The following IGSF9B variants were observed in gnomAD, a reference collection of about 807,000 sequenced individuals.
IGSF9B encodes immunoglobulin superfamily member 9B.
In IGSF9B, 48 loss-of-function variants were observed where a neutral mutation model predicts 143.7. The observed-to-expected ratio is 0.33, with a 90% CI of 0.26 to 0.42. The LOEUF (loss-of-function observed/expected upper bound fraction) is 0.42. Ranked by LOEUF, IGSF9B falls within the 20% of genes least tolerant of loss-of-function variation. IGSF9B has a pLI of 1.00. For missense variants in IGSF9B, 1,706 were observed against 1,980.0 expected, an observed-to-expected ratio of 0.86 and a Z score of 2.63; for synonymous variants, 903 against 833.1, an observed-to-expected ratio of 1.08 and a Z score of -1.44.
At position 133,905,206 on chromosome 11, in the gene IGSF9B, T is replaced by C. The variant is rs1268165688; in HGVS notation, c.*3863A>G. Among the ~76,000 whole-genome samples, 1 of 152,048 alleles carries C rather than the reference T, an allele frequency of 6.6e-6. No individual in the cohort carries two copies. Among genetic ancestry groups the C allele is most frequent in the Non-Finnish European group, 1.5e-5 (1 of 68,020 alleles). Reference sequence around the variant, plus strand: ...TCTTTTCCTAGGTTTCTCTACAGATTAATAAAATGTACTTTATGTACAATT... The same window carrying C: ...TCTTTTCCTAGGTTTCTCTACAGATCAATAAAATGTACTTTATGTACAATT... On this transcript the variant is annotated 3_prime_UTR_variant, in exon 20 of 20. Coordinates refer to ENST00000533871, the MANE Select transcript of IGSF9B (RefSeq NM_001277285.4). The surrounding 1 kb of genome is among the most constrained non-coding windows in gnomAD (Gnocchi z 4.0).
intron 1 of IGSF9B, among the ~76,000 whole-genome samples, chr11:133,951,504 T>C (rs927700827): frequency 1.3e-5 from 2 of 152,242 alleles, no homozygotes; most frequent in African/African-American, 4.8e-5. Context: ...CTGAGCCTTC[T>C]CGGCTGGGCT....
At chr11:133,951,095 A>G (rs1243437362) in intron 1 of IGSF9B, among the ~76,000 whole-genome samples, 2 of 152,112 alleles carry the variant, frequency 1.3e-5, no homozygotes, top group African/African-American at 4.8e-5. Flanking sequence ...GGGCTCTCAC[A>G]AAGTGGGAGG....
rs1487063601 is a variant in IGSF9B at position 133,932,201 on chromosome 11, A to G, written c.980T>C (p.Val327Ala). 1 of 1,566,402 alleles carries G rather than the reference A, an allele frequency of 6.4e-7. No individual in the cohort carries two copies. Among genetic ancestry groups the G allele is most frequent in the African/African-American group, 1.4e-5 (1 of 73,740 alleles). Residue 327 changes from valine to alanine, a missense_variant, in exon 8 of 20, where the codon GTC (valine) becomes GCC (alanine). This residue lies in a region of IGSF9B where 238 missense variants were observed against 452.6 expected (regional missense o/e 0.53). Transcript: ENST00000533871. ...AYLTVQYPAR[V>A]LNMPPVIYVP... ...GTAAATCACAGGGGGCATGTTGAGGACACGCGCTGGGTCTGCATAGAGGAA... is the reference window on the plus strand; with the variant it reads ...GTAAATCACAGGGGGCATGTTGAGGGCACGCGCTGGGTCTGCATAGAGGAA...
Position 133,953,774 on chromosome 11 carries a change from A to G in IGSF9B, c.64+2917T>C, listed in dbSNP as rs539264908. Among the ~76,000 whole-genome samples, 2 of 152,224 alleles carry G rather than the reference A, an allele frequency of 1.3e-5. No homozygotes were observed. Among genetic ancestry groups the G allele is most frequent in the African/African-American group, 4.8e-5 (2 of 41,554 alleles). ...AGCACGGCCCAGGGTCCTCCCACAG[A>G]GTAGGAACTCCCCCGGGCTGGCTCA... On this transcript the variant is annotated intron_variant, in intron 1 of 19. Transcript: ENST00000533871. This position sits in a 1 kb window ranked among gnomAD's most constrained non-coding sequence, Gnocchi z 4.2.
Position 133,904,324 on chromosome 11 carries a change from G to C in IGSF9B, c.*4745C>G, listed in dbSNP as rs1214061459. 6.6e-6 allele frequency among the ~76,000 whole-genome samples: 1 copy of C among 152,150 alleles called. No homozygotes were observed. Among genetic ancestry groups the C allele is most frequent in the Non-Finnish European group, 1.5e-5 (1 of 68,032 alleles). On this transcript the variant is annotated 3_prime_UTR_variant, in exon 20 of 20. Coordinates refer to ENST00000533871, the MANE Select transcript of IGSF9B (RefSeq NM_001277285.4). Reference sequence around the variant, plus strand: ...CTGATGAAGAGCTGGTGATAGGATGGGCATCTCAAGACAAGTTTCTCAGCT... The same window carrying C: ...CTGATGAAGAGCTGGTGATAGGATGCGCATCTCAAGACAAGTTTCTCAGCT...
At chr11:133,951,087 G>A (rs1046081978) in intron 1 of IGSF9B, among the ~76,000 whole-genome samples, 1 of 152,168 alleles carries the variant, frequency 6.6e-6, no homozygotes, top group African/African-American at 2.4e-5. Flanking sequence ...CAGACCCGGG[G>A]CTCTCACAAA....
chr11:133,903,891 C>G lies in IGSF9B; in HGVS notation c.*5178G>C, dbSNP rs1939176452. Among the ~76,000 whole-genome samples, 1 of 152,166 alleles carries G rather than the reference C, an allele frequency of 6.6e-6. No homozygotes were observed. The highest frequency in any genetic ancestry group is 2.1e-4 in the South Asian group (1 of 4,816). ...TAAGAGTGCGAAAGTCCAATCTGGG[C>G]TTTGATCCTTGGTTTACTGACTTCT... On this transcript the variant is annotated 3_prime_UTR_variant, in exon 20 of 20. Coordinates refer to ENST00000533871, the MANE Select transcript of IGSF9B (RefSeq NM_001277285.4).
Position 133,898,329 on chromosome 11 carries a change from G to A in IGSF9B, c.*10740C>T, listed in dbSNP as rs940371260. Reference sequence around the variant, plus strand: ...AGGTACAGAGTTTGTAAGGGGTCTGGGGGAGGTAGCCCCTCCCCACCCACA... The same window carrying A: ...AGGTACAGAGTTTGTAAGGGGTCTGAGGGAGGTAGCCCCTCCCCACCCACA... On this transcript the variant is annotated 3_prime_UTR_variant, in exon 20 of 20. Transcript: ENST00000533871. The A allele has an allele frequency of 6.6e-6, 1 of 152,278 alleles. No homozygotes were observed. Among genetic ancestry groups the A allele is most frequent in the African/African-American group, 2.4e-5 (1 of 41,410 alleles). The allele number at this position is 152,278 out of a possible 1,614,324, so 9.4% of individuals were successfully genotyped here. A position where few individuals can be genotyped will look rare whatever the true frequency, so the allele number is the denominator to read the frequency against.
chr11:133,932,460 C>T (rs1046134850), intron 7 of IGSF9B, among the ~76,000 whole-genome samples: 5 of 126,170 alleles, frequency 4.0e-5, no homozygotes, highest in Non-Finnish European at 8.0e-5. Flanking sequence ...GACACAGGGA[C>T]AGACAGACAG....
intron 3 of IGSF9B, among the ~76,000 whole-genome samples, chr11:133,942,654 C>A (rs1939972806): frequency 6.6e-6 from 1 of 152,184 alleles, no homozygotes; most frequent in Non-Finnish European, 1.5e-5. Flanking sequence ...AGAAGGGAAG[C>A]AATGCGGGGA....
intron 1 of IGSF9B, 148 bp from the exon 2 acceptor site, chr11:133,946,406 AC>A (rs1487439378): frequency 1.5e-6 from 1 of 649,556 alleles, no homozygotes; most frequent in Non-Finnish European, 2.7e-6. Context: ...TCCCAGGCAC[AC>A]CCTCCATCCC....
intron 12 of IGSF9B, among the ~76,000 whole-genome samples, chr11:133,929,162 ACC>A (rs1939679193): frequency 1.3e-5 from 2 of 152,182 alleles, no homozygotes; most frequent in African/African-American, 4.8e-5. Context: ...AGGGGTGGAT[ACC>A]CCTTTACCCT....
At position 133,919,756 on chromosome 11, in the gene IGSF9B, CGT is replaced by C. The variant is rs958490709; in HGVS notation, c.3967_3968del (p.Thr1323ValfsTer18). Reference sequence around the variant, plus strand: ...GGCGCACTCACCCTGAAGTAGGTAACGTGGGTGGTGGGGTCTCCGGTCGGAGC... The same window carrying C: ...GGCGCACTCACCCTGAAGTAGGTAACGGGTGGTGGGGTCTCCGGTCGGAGC... ...ELLRPETPPP[T>X]LPTSGTLPPA... On this transcript the variant is annotated frameshift_variant, in exon 18 of 20. Transcript: ENST00000533871. LOFTEE classifies it high-confidence loss of function. 2 of 1,465,384 alleles carry C rather than the reference CGT, an allele frequency of 1.4e-6. No homozygotes were observed. The highest frequency in any genetic ancestry group is 9.0e-7 in the Non-Finnish European group (1 of 1,105,532). 90.8% of individuals were successfully genotyped at this position (1,465,384 alleles called of 1,614,324 possible).
In IGSF9B at chr11:133,930,994, G is replaced by T. The variant is rs373568110; in HGVS notation, c.1509C>A (p.Leu503=). The change falls in exon 11 of 20, where the codon CTC becomes CTA. Residue 503 remains leucine (L), a synonymous_variant. Transcript: ENST00000533871. ...TTGCCGGCCACGTACCGATGACGGT[G>T]AGGTGGGTGCTGGCAGTGATGCTCG... is the stretch of plus-strand genomic sequence containing the variant. ...VVTSITASTH[L]TVIGTSPHAP... is the part of the protein sequence containing the mutation. 1.2e-6 allele frequency: 2 copies of T among 1,611,694 alleles called. No homozygotes were observed. Among genetic ancestry groups the T allele is most frequent in the Non-Finnish European group, 1.7e-6 (2 of 1,178,762 alleles).
At chr11:133,954,425 C>G (rs1291781599) in intron 1 of IGSF9B, among the ~76,000 whole-genome samples, 1 of 152,190 alleles carries the variant, frequency 6.6e-6, no homozygotes, top group Non-Finnish European at 1.5e-5. Context: ...CACAGGCAGC[C>G]TTCTGAACTT....
chr11:133,935,890 C>G (rs1939813887), intron 6 of IGSF9B, 128 bp from the exon 7 acceptor site: 1 of 1,392,162 alleles, frequency 7.2e-7, no homozygotes. Flanking sequence ...AGGGCCCCTC[C>G]ATGCAGACCC....
In IGSF9B at chr11:133,922,720, C is replaced by T. The variant is rs757462351; in HGVS notation, c.2130G>A (p.Pro710=). 5.7e-6 allele frequency: 9 copies of T among 1,567,850 alleles called. No homozygotes were observed. Among genetic ancestry groups the T allele is most frequent in the Non-Finnish European group, 6.9e-6 (8 of 1,159,012 alleles). The change falls in exon 16 of 20, where the codon CCG becomes CCA. Residue 710 remains proline, a synonymous_variant. Coordinates refer to ENST00000533871, the MANE Select transcript of IGSF9B (RefSeq NM_001277285.4). ...GCCCATCCTCGGTCAGGTCCGGCTG[C>T]GGGAAGATGTCTGCAGGGAGGGTGG... is the stretch of plus-strand genomic sequence containing the variant. ...IAGVSSTDIF[P]QPDLTEDGLA... is the part of the protein sequence containing the mutation.
Position 133,899,006 on chromosome 11 carries a change from G to A in IGSF9B, c.*10063C>T. 1 of 152,346 alleles carries A rather than the reference G, an allele frequency of 6.6e-6. No homozygotes were observed. The highest frequency in any genetic ancestry group is 1.5e-5 in the Non-Finnish European group (1 of 68,086). 9.4% of individuals were successfully genotyped at this position (152,346 alleles called of 1,614,324 possible). ...TGGTGACAGTGGGGAAGAGGGACAGGGCCCACACTGATCCATGGGAGAGTG... is the reference window on the plus strand; with the variant it reads ...TGGTGACAGTGGGGAAGAGGGACAGAGCCCACACTGATCCATGGGAGAGTG... On this transcript the variant is annotated 3_prime_UTR_variant, in exon 20 of 20. Coordinates refer to ENST00000533871, the MANE Select transcript of IGSF9B (RefSeq NM_001277285.4).
intron 3 of IGSF9B, 199 bp from the exon 4 acceptor site, chr11:133,938,160 G>C: frequency 5.0e-6 from 3 of 601,510 alleles, no homozygotes; most frequent in Non-Finnish European, 5.8e-6. Flanking sequence ...AGGCTGGCTG[G>C]GTCCAAATTC....
Sources: allele counts gnomAD v4.1 joint callset (sites outside exome capture counted in the v4.1 genomes callset), GRCh38; gene constraint gnomAD v4.1.1; regional missense constraint gnomAD v4.1.1; non-coding constraint Gnocchi (gnomAD v3.1); transcripts MANE v1.5; gene names NCBI Gene and HGNC (gene_info 2026-07-23, HGNC 2026-07-21).